Variants in RAC1 observed in about 807,000 individuals in gnomAD.
RAC1 encodes Rac family small GTPase 1, also known as ras-related C3 botulinum toxin substrate 1.
A neutral mutation model predicts 25.2 loss-of-function variants in RAC1; 2 were observed. The ratio of observed to expected loss-of-function variants is 0.08; its 90% CI spans 0.03 to 0.25. The LOEUF (loss-of-function observed/expected upper bound fraction) is 0.25, where lower values mean the gene tolerates loss of function less well. RAC1 is among the 10% of genes least tolerant of loss of function. The probability of loss-of-function intolerance (pLI) is 1.00; values close to 1 mark genes in which losing one functional copy is unlikely to be tolerated. For missense variants in RAC1, 50 were observed against 235.7 expected, an observed-to-expected ratio of 0.21 and a Z score of 5.16; for synonymous variants, 88 against 94.0, an observed-to-expected ratio of 0.94 and a Z score of 0.37.
intron 2 of RAC1, among the ~76,000 whole-genome samples, chr7:6,388,370 T>C (rs573192268): frequency 3.2e-4 from 43 of 132,638 alleles, no homozygotes; most frequent in East Asian, 1.0e-3. Context: ...TTTTTGGAGT[T>C]AGTCTCTCTC....
At chr7:6,401,397 A>C (rs1783396742) in intron 4 of RAC1, among the ~76,000 whole-genome samples, 1 of 152,204 alleles carries the variant, frequency 6.6e-6, no homozygotes, top group Non-Finnish European at 1.5e-5. Context: ...CTTCTTAGTG[A>C]AAATGACAAG....
At chr7:6,383,705 A>G (rs888337829) in intron 1 of RAC1, among the ~76,000 whole-genome samples, 1 of 150,918 alleles carries the variant, frequency 6.6e-6, no homozygotes, top group African/African-American at 2.4e-5. Context: ...ACATTTTATC[A>G]TAACAGTCAA....
chr7:6,379,444 C>T (rs567813050), intron 1 of RAC1, among the ~76,000 whole-genome samples: 26 of 151,882 alleles, frequency 1.7e-4, no homozygotes, highest in Non-Finnish European at 2.8e-4. Context: ...TGACTAATTT[C>T]GTATTTTTAA....
chr7:6,393,765 C>T (rs369674683), intron 3 of RAC1, among the ~76,000 whole-genome samples: 1 of 152,276 alleles, frequency 6.6e-6, no homozygotes, highest in South Asian at 2.1e-4. Flanking sequence ...CTGTGTAAGA[C>T]ACCCTGTGCT....
chr7:6,400,747 C>G (rs35149708), intron 4 of RAC1, among the ~76,000 whole-genome samples: 5,185 of 152,106 alleles, frequency 0.034, 118 homozygotes, highest in South Asian at 0.1. Context: ...GCAATCTTGG[C>G]TCACTGCAAC....
intron 3 of RAC1, among the ~76,000 whole-genome samples, chr7:6,392,585 A>C (rs982654161): frequency 1.3e-5 from 2 of 152,176 alleles, no homozygotes; most frequent in African/African-American, 2.4e-5. Context: ...AAAAAAGTTT[A>C]CTTTTGCTTC....
At chr7:6,381,583 C>G (rs141794927) in intron 1 of RAC1, among the ~76,000 whole-genome samples, 1 of 145,464 alleles carries the variant, frequency 6.9e-6, no homozygotes, top group African/African-American at 2.4e-5. Context: ...TTAGTAGAGA[C>G]GGGGTTTCAC....
intron 2 of RAC1, among the ~76,000 whole-genome samples, chr7:6,389,221 A>G (rs914231799): frequency 3.3e-5 from 5 of 151,676 alleles, no homozygotes; most frequent in African/African-American, 1.2e-4. Context: ...AAAAAAAATT[A>G]AAAAATTATT....
At position 6,396,120 on chromosome 7, in the gene RAC1, G is replaced by T. The variant is rs1232630915; in HGVS notation, c.226-4006G>T. Among the ~76,000 whole-genome samples the T allele has an allele frequency of 2.6e-5, 4 of 152,312 alleles. No homozygotes were observed. In the East Asian group the frequency reaches 5.8e-4, roughly 22 times the overall value. The stretch of plus-strand genomic sequence containing the variant: ...GCGGGAGTCTGGGTTAGTCAGAAAG[G>T]GGAAAGCAGTGCTCAGGTTGACTGG... On this transcript the variant is annotated intron_variant, in intron 3 of 5. Coordinates refer to ENST00000348035, the MANE Select transcript of RAC1 (RefSeq NM_006908.5).
chr7:6,398,721 A>T, intron 3 of RAC1: 1 of 1,613,418 alleles, frequency 6.2e-7, no homozygotes, highest in Non-Finnish European at 8.5e-7. Flanking sequence ...CGATTGCCGT[A>T]TGTAAAACTT....
Position 6,395,250 on chromosome 7 carries a change from G to A in RAC1, c.225+3209G>A, listed in dbSNP as rs1351782449. On this transcript the variant is annotated intron_variant, in intron 3 of 5. Coordinates refer to ENST00000348035, the MANE Select transcript of RAC1 (RefSeq NM_006908.5). ...CAAAGTGCTGGGATTACAGGCGTGA[G>A]CCACTACGCCTGGCCAGTGCTAGAG... Among the ~76,000 whole-genome samples, 3 of 152,226 alleles carry A rather than the reference G, an allele frequency of 2.0e-5. No homozygotes were observed. The East Asian group carries it at 5.8e-4, about 29-fold the overall frequency.
chr7:6,398,718 C>T (rs762760033), intron 3 of RAC1: 12 of 1,613,266 alleles, frequency 7.4e-6, no homozygotes, highest in African/African-American at 2.7e-5. Flanking sequence ...AGCCGATTGC[C>T]GTATGTAAAA....
intron 1 of RAC1, among the ~76,000 whole-genome samples, chr7:6,384,345 G>A (rs574859691): frequency 3.3e-5 from 5 of 152,286 alleles, no homozygotes; most frequent in African/African-American, 1.2e-4. Flanking sequence ...CAGGCTTCCT[G>A]CCACACTGCA....
chr7:6,385,308 G>A (rs921195524), intron 1 of RAC1, among the ~76,000 whole-genome samples: 1 of 152,116 alleles, frequency 6.6e-6, no homozygotes, highest in Non-Finnish European at 1.5e-5. Flanking sequence ...TGTAGCACAC[G>A]GTTGATATAA....
At chr7:6,396,318 C>G (rs969637495) in intron 3 of RAC1, among the ~76,000 whole-genome samples, 1 of 152,072 alleles carries the variant, frequency 6.6e-6, no homozygotes, top group Admixed American at 6.6e-5. Context: ...GCCAGCACAG[C>G]CTCTGTATGT....
chr7:6,375,491 G>A (rs541499944), intron 1 of RAC1, among the ~76,000 whole-genome samples: 18 of 152,094 alleles, frequency 1.2e-4, no homozygotes, highest in Admixed American at 2.0e-4. Flanking sequence ...GCCTCCAAAA[G>A]CGCTGGGGTG....
In RAC1 at chr7:6,391,892, C is replaced by CT. The variant is rs553485430; in HGVS notation, c.108-31dup. The CT allele has an allele frequency of 4.0e-3, 6,399 of 1,613,912 alleles. 25 individuals are homozygous for CT. Among genetic ancestry groups the CT allele is most frequent in the Middle Eastern group, 9.9e-3 (60 of 6,048 alleles). ...TGGGACAGTGACTTAGCTTCTACAC[C>CT]TGTGACTAACCATTTTCATTCCATT... On this transcript the variant is annotated intron_variant, in intron 2 of 5. Transcript: ENST00000348035.
intron 1 of RAC1, among the ~76,000 whole-genome samples, chr7:6,386,134 G>A (rs1457874607): frequency 2.0e-5 from 3 of 152,180 alleles, no homozygotes; most frequent in Non-Finnish European, 4.4e-5. Flanking sequence ...TGCAGGTGGT[G>A]CTCCTTTCTC....
intron 3 of RAC1, among the ~76,000 whole-genome samples, chr7:6,396,545 C>G (rs1485381574): frequency 6.6e-6 from 1 of 152,096 alleles, no homozygotes; most frequent in Admixed American, 6.5e-5. Context: ...TCTTAAAAAT[C>G]GAAAGCATGC....
Sources: gnomAD v4.1 joint callset for allele counts (sites outside exome capture counted in the v4.1 genomes callset) on GRCh38, gnomAD v4.1.1 for gene constraint, MANE v1.5 for transcripts, NCBI Gene and HGNC (gene_info 2026-07-23, HGNC 2026-07-21) for gene names.